Variants in ZBTB20 observed in about 807,000 individuals in gnomAD.
ZBTB20 encodes the protein zinc finger and BTB domain-containing protein 20.
A neutral mutation model predicts 56.9 loss-of-function variants in ZBTB20; 9 were observed. The observed-to-expected ratio is 0.16, with a 90% CI of 0.10 to 0.28. The LOEUF (loss-of-function observed/expected upper bound fraction) is 0.28. Among genes scored for constraint, ZBTB20 ranks in the 10% least tolerant of loss-of-function variants. The probability of loss-of-function intolerance (pLI) is 1.00; values close to 1 mark genes in which losing one functional copy is unlikely to be tolerated. For missense variants in ZBTB20, 655 were observed against 1,003.0 expected (o/e 0.65, Z 4.69); for synonymous variants, 417 against 420.7 (o/e 0.99, Z 0.11).
chr3:114,634,079 A>C lies in ZBTB20; in HGVS notation c.-295+59449T>G, dbSNP rs559064830. On this transcript the variant is annotated intron_variant, in intron 6 of 11. Transcript: ENST00000675478. Reference sequence around the variant, plus strand: ...TTAACATATGTTGAATTGAAATGACAAATGAGATCGCACAATTTTAGAGCT... The same window carrying C: ...TTAACATATGTTGAATTGAAATGACCAATGAGATCGCACAATTTTAGAGCT... Among the ~76,000 whole-genome samples the C allele has an allele frequency of 2.0e-5, 3 of 152,334 alleles. No individual in the cohort carries two copies. In the East Asian group the frequency reaches 5.8e-4, roughly 29 times the overall value.
chr3:114,927,292 C>A (rs905122157), intron 3 of ZBTB20, among the ~76,000 whole-genome samples: 3 of 152,148 alleles, frequency 2.0e-5, no homozygotes, highest in Non-Finnish European at 4.4e-5. Context: ...CCTTACGAAC[C>A]GAACCAATGT....
intron 1 of ZBTB20, among the ~76,000 whole-genome samples, chr3:115,113,302 C>T (rs770660465): frequency 8.5e-5 from 13 of 152,144 alleles, no homozygotes; most frequent in Non-Finnish European, 1.5e-4. Flanking sequence ...CTCTTGACTT[C>T]GATTTATTCA....
intron 7 of ZBTB20, among the ~76,000 whole-genome samples, chr3:114,418,366 T>G (rs2088798881): frequency 6.6e-6 from 1 of 152,198 alleles, no homozygotes; most frequent in African/African-American, 2.4e-5. Context: ...GGAGAGTTTC[T>G]TCTTTAGCTT....
chr3:114,351,619 C>T lies in ZBTB20; in HGVS notation c.459G>A (p.Lys153=), dbSNP rs1037501949. The T allele has an allele frequency of 1.9e-6, 3 of 1,614,020 alleles. No individual in the cohort carries two copies. Among genetic ancestry groups the T allele is most frequent in the Non-Finnish European group, 2.5e-6 (3 of 1,180,034 alleles). ...CGCCGCTGTACATGAAGTCAATGAG[C>T]TTTTGCACTGACTGCACTGACACCA... The part of the protein sequence containing the change: ...PSVVSVQSVQ[K]LIDFMYSGVL... The change falls in exon 11 of 12, where the codon AAG becomes AAA. Residue 153 remains lysine (K), a synonymous_variant. Coordinates refer to ENST00000675478, the MANE Select transcript of ZBTB20 (RefSeq NM_001348800.3).
At chr3:114,404,958 C>T (rs902200119) in intron 7 of ZBTB20, among the ~76,000 whole-genome samples, 1 of 152,048 alleles carries the variant, frequency 6.6e-6, no homozygotes, top group Non-Finnish European at 1.5e-5. Context: ...TTTGACCCAG[C>T]GAAAATTTTC....
At chr3:114,559,945 G>A (rs1676886252) in intron 6 of ZBTB20, among the ~76,000 whole-genome samples, 1 of 152,136 alleles carries the variant, frequency 6.6e-6, no homozygotes, top group South Asian at 2.1e-4. Flanking sequence ...TATTGTAGCT[G>A]TGAAGATTAG....
chr3:114,787,331 T>TTTTTTATATATATATA (rs1465612106), intron 5 of ZBTB20, among the ~76,000 whole-genome samples: 1 of 100,604 alleles, frequency 9.9e-6, no homozygotes, highest in African/African-American at 5.2e-5. Flanking sequence ...TCTTAAAAGG[T>TTTTTTATATATATATA]TATATATATA....
intron 7 of ZBTB20, among the ~76,000 whole-genome samples, chr3:114,468,743 G>C (rs986197632): frequency 1.3e-5 from 2 of 152,014 alleles, no homozygotes; most frequent in Admixed American, 6.6e-5. Flanking sequence ...AGAAAATTTT[G>C]GAAACTTTAA....
intron 6 of ZBTB20, among the ~76,000 whole-genome samples, chr3:114,664,562 T>C (rs2060937445): frequency 6.6e-6 from 1 of 151,784 alleles, no homozygotes; most frequent in Non-Finnish European, 1.5e-5. Flanking sequence ...ATTGCATCTG[T>C]AGGGAACAGG....
intron 5 of ZBTB20, among the ~76,000 whole-genome samples, chr3:114,751,477 A>AGACT (rs2067551208): frequency 6.6e-6 from 1 of 152,110 alleles, no homozygotes. Flanking sequence ...TTCTTTAGTC[A>AGACT]CCTACTATGT....
chr3:114,839,464 A>AG, intron 4 of ZBTB20, among the ~76,000 whole-genome samples: 1 of 149,594 alleles, frequency 6.7e-6, no homozygotes, highest in African/African-American at 2.4e-5. Flanking sequence ...AGAAAGAAAG[A>AG]AAGAGAGAGA....
chr3:114,787,330 G>GTT (rs200410528), intron 5 of ZBTB20, among the ~76,000 whole-genome samples: 12 of 24,924 alleles, frequency 4.8e-4, no homozygotes, highest in African/African-American at 1.8e-3. Context: ...GTCTTAAAAG[G>GTT]TTATATATAT....
chr3:114,985,015 G>A (rs1014795504), intron 2 of ZBTB20, among the ~76,000 whole-genome samples: 4 of 151,948 alleles, frequency 2.6e-5, no homozygotes, highest in African/African-American at 4.8e-5. Flanking sequence ...CAAATGGCAC[G>A]TGGTTACTCT....
chr3:114,764,660 C>A (rs1402346094), intron 5 of ZBTB20, among the ~76,000 whole-genome samples: 2 of 152,184 alleles, frequency 1.3e-5, no homozygotes, highest in Non-Finnish European at 2.9e-5. Context: ...TTTCCTATAT[C>A]AGTGAGCAAA....
rs1290842993 is a variant in ZBTB20 at position 114,466,701 on chromosome 3, T to C, written c.-255+33651A>G. The stretch of plus-strand genomic sequence containing the variant: ...ACAACACATGTGCAATGCGCAACCA[T>C]CAATACATAAATCCAATTTAATTCA... On this transcript the variant is annotated intron_variant, in intron 7 of 11. Transcript: ENST00000675478. Among the ~76,000 whole-genome samples the C allele has an allele frequency of 3.3e-5, 5 of 152,188 alleles. No individual in the cohort carries two copies. In the East Asian group the frequency reaches 9.6e-4, roughly 29 times the overall value.
chr3:114,976,468 T>C (rs972186600), intron 2 of ZBTB20, among the ~76,000 whole-genome samples: 1 of 151,820 alleles, frequency 6.6e-6, no homozygotes, highest in African/African-American at 2.4e-5. Context: ...TCTACTAAAA[T>C]ACAAAAAATT....
intron 1 of ZBTB20, among the ~76,000 whole-genome samples, chr3:115,137,997 C>T (rs60459221): frequency 0.023 from 3,518 of 152,078 alleles, 174 homozygotes; most frequent in East Asian, 0.16. Context: ...CTCTCAGTGA[C>T]CCATATTTAA....
intron 7 of ZBTB20, among the ~76,000 whole-genome samples, chr3:114,425,689 TTTTCTCATAATC>T (rs2089588827): frequency 6.6e-6 from 1 of 152,182 alleles, no homozygotes; most frequent in Non-Finnish European, 1.5e-5. Flanking sequence ...CTCATCCATC[TTTTCTCATAATC>T]TACCTCTTTT....
chr3:114,372,393 G>A (rs1002684972), intron 10 of ZBTB20, among the ~76,000 whole-genome samples: 3 of 152,174 alleles, frequency 2.0e-5, no homozygotes, highest in Non-Finnish European at 4.4e-5. Flanking sequence ...AATGGGCATT[G>A]AGACCAGACT....
Sources: gnomAD v4.1 joint callset for allele counts (sites outside exome capture counted in the v4.1 genomes callset) on GRCh38, gnomAD v4.1.1 for gene constraint, MANE v1.5 for transcripts, NCBI Gene and HGNC (gene_info 2026-07-23, HGNC 2026-07-21) for gene names.